PHF14: variants seen among roughly 807,000 people sequenced by gnomAD.
The protein encoded by PHF14 is PHD finger protein 14.
Under a neutral mutation model 117.9 loss-of-function variants are expected in PHF14, and 55 were observed. The observed-to-expected ratio is 0.47, with a 90% CI of 0.38 to 0.58. The LOEUF (loss-of-function observed/expected upper bound fraction) is 0.58, where lower values mean the gene tolerates loss of function less well. PHF14 is among the 20% of genes least tolerant of loss of function. The pLI is 0.00. For missense variants in PHF14, 978 were observed against 1,122.2 expected (o/e 0.87, Z 1.84); for synonymous variants, 409 against 368.6 (o/e 1.11, Z -1.26).
intron 16 of PHF14, chr7:11,109,507 A>C (rs954661229): frequency 2.0e-5 from 3 of 151,926 alleles, no homozygotes; most frequent in Non-Finnish European, 4.4e-5. Context: ...ATGAAGGAGT[A>C]TGCTCTCAGT....
intron 10 of PHF14, 32 bp downstream of exon 10, chr7:11,037,123 TGATA>T (rs1316416589): frequency 1.4e-6 from 2 of 1,447,684 alleles, no homozygotes; most frequent in East Asian, 2.5e-5. Context: ...CAACATAATG[TGATA>T]GATCTTACTG....
intron 16 of PHF14, chr7:11,106,212 G>A (rs1787256055): frequency 2.0e-6 from 2 of 979,470 alleles, no homozygotes; most frequent in Non-Finnish European, 2.4e-6. Context: ...CACTCTTTAA[G>A]TGACTATTAA....
chr7:11,013,840 G>T lies in PHF14; in HGVS notation c.1139G>T (p.Gly380Val), dbSNP rs1360687800. Residue 380 changes from glycine to valine, a missense_variant, in exon 5 of 18, where the codon GGT becomes GTT. By Grantham distance (109) the Gly-to-Val change is moderately radical. Coordinates refer to ENST00000634607, the MANE Select transcript of PHF14 (RefSeq NM_001007157.2). ...EPWFCDACKCGVSPSCELCPN... is the reference protein window; with the variant it reads ...EPWFCDACKCVVSPSCELCPN... The stretch of plus-strand genomic sequence containing the variant: ...TGGTTTTGTGATGCCTGTAAATGTG[G>T]TGTTTCTCCTAGCTGTGAACTGTGT... 3.1e-5 allele frequency: 50 copies of T among 1,610,744 alleles called. No individual in the cohort carries two copies. The highest frequency in any genetic ancestry group is 4.2e-5 in the Non-Finnish European group (49 of 1,177,380).
chr7:11,004,951 A>G (rs1376848682), intron 4 of PHF14, among the ~76,000 whole-genome samples: 3 of 152,066 alleles, frequency 2.0e-5, no homozygotes. Context: ...TGGGAGGCGG[A>G]GGTTACAGTA....
At chr7:11,073,112 T>A (rs1163017837) in intron 16 of PHF14, among the ~76,000 whole-genome samples, 1 of 152,166 alleles carries the variant, frequency 6.6e-6, no homozygotes, top group African/African-American at 2.4e-5. Flanking sequence ...CAGTTTTATC[T>A]TCTCCACATT....
intron 14 of PHF14, among the ~76,000 whole-genome samples, chr7:11,054,399 C>G (rs578121753): frequency 6.6e-6 from 1 of 152,222 alleles, no homozygotes; most frequent in African/African-American, 2.4e-5. Flanking sequence ...ATCTTTTCTG[C>G]CTGCCTTCCA....
intron 6 of PHF14, among the ~76,000 whole-genome samples, chr7:11,025,912 G>C (rs1455753284): frequency 6.6e-6 from 1 of 152,104 alleles, no homozygotes; most frequent in Non-Finnish European, 1.5e-5. Flanking sequence ...AGGAGTTCGA[G>C]ACCAGCCTGG....
intron 4 of PHF14, among the ~76,000 whole-genome samples, chr7:10,995,470 C>T (rs1053269721): frequency 3.9e-5 from 6 of 152,238 alleles, no homozygotes; most frequent in East Asian, 1.9e-4. Context: ...CCACTAGACT[C>T]GGGAGCCTAG....
chr7:11,120,138 T>C (rs1310931471), intron 17 of PHF14, among the ~76,000 whole-genome samples: 1 of 151,940 alleles, frequency 6.6e-6, no homozygotes, highest in Non-Finnish European at 1.5e-5. Flanking sequence ...TTAAATTATA[T>C]AGAAAGTTAA....
intron 4 of PHF14, among the ~76,000 whole-genome samples, chr7:11,002,776 G>T (rs1782924013): frequency 1.3e-5 from 2 of 151,844 alleles, no homozygotes; most frequent in Non-Finnish European, 2.9e-5. Flanking sequence ...TCTTAATAAT[G>T]GTTAGGGCAA....
intron 16 of PHF14, chr7:11,105,351 G>A (rs1314171882): frequency 3.2e-6 from 3 of 945,792 alleles, no homozygotes; most frequent in Non-Finnish European, 3.8e-6. Context: ...CTATTTCCCT[G>A]TATTCACATC....
chr7:11,122,936 A>G (rs192125425), intron 17 of PHF14, among the ~76,000 whole-genome samples: 6 of 152,298 alleles, frequency 3.9e-5, no homozygotes, highest in Admixed American at 6.5e-5. Context: ...CAGTTTGTCA[A>G]AATCAAGAAT....
At chr7:10,982,349 T>A in intron 2 of PHF14, 23 bp from the exon 3 acceptor site, 1 of 1,503,542 alleles carries the variant, frequency 6.7e-7, no homozygotes, top group Non-Finnish European at 8.9e-7. Flanking sequence ...TGTGTGGTTT[T>A]TTTTTTCTCA....
intron 17 of PHF14, among the ~76,000 whole-genome samples, chr7:11,161,456 G>A (rs1789021265): frequency 6.6e-6 from 1 of 151,784 alleles, no homozygotes; most frequent in African/African-American, 2.4e-5. Flanking sequence ...GACAAACTTA[G>A]TTATCGCTGA....
At chr7:11,040,921 A>C in intron 12 of PHF14, 146 bp downstream of exon 12, 1 of 473,216 alleles carries the variant, frequency 2.1e-6, no homozygotes, top group East Asian at 3.5e-5. Flanking sequence ...TTCTCAAAAG[A>C]TGCATTCCAG....
At chr7:11,085,037 G>A (rs1786332708) in intron 16 of PHF14, among the ~76,000 whole-genome samples, 1 of 151,882 alleles carries the variant, frequency 6.6e-6, no homozygotes, top group South Asian at 2.1e-4. Flanking sequence ...ATGTTTTGCT[G>A]AATTGAAATT....
At chr7:11,103,942 C>G in intron 16 of PHF14, 1 of 981,790 alleles carries the variant, frequency 1.0e-6, no homozygotes, top group Non-Finnish European at 1.2e-6. Context: ...TAAGATAGGA[C>G]TAGTTGTCAC....
At chr7:11,005,679 A>G (rs529522634) in intron 4 of PHF14, among the ~76,000 whole-genome samples, 9 of 151,920 alleles carry the variant, frequency 5.9e-5, no homozygotes, top group South Asian at 2.1e-4. Flanking sequence ...ACCATAATGT[A>G]CTTATTTTTT....
chr7:10,974,357 T>C, intron 1 of PHF14, 33 bp downstream of exon 1: 1 of 1,572,826 alleles, frequency 6.4e-7, no homozygotes, highest in South Asian at 1.2e-5. Flanking sequence ...CGGCGAGAGG[T>C]CCATTTCAGC....
Sources: allele counts gnomAD v4.1 joint callset (sites outside exome capture counted in the v4.1 genomes callset), GRCh38; gene constraint gnomAD v4.1.1; transcripts MANE v1.5; gene names NCBI Gene and HGNC (gene_info 2026-07-23, HGNC 2026-07-21).